ADK: variants seen among roughly 807,000 people sequenced by gnomAD.
ADK encodes the protein adenosine kinase.
A neutral mutation model predicts 44.7 loss-of-function variants in ADK; 24 were observed. That is an observed-to-expected ratio of 0.54 (90% CI 0.39 to 0.76). The LOEUF is 0.76. Among genes scored for constraint, ADK ranks in the 30% least tolerant of loss-of-function variants. ADK has a pLI of 0.00. For missense variants in ADK, 321 were observed against 425.1 expected, an observed-to-expected ratio of 0.76 and a Z score of 2.15; for synonymous variants, 128 against 142.6, an observed-to-expected ratio of 0.90 and a Z score of 0.73.
chr10:74,461,948 A>G (rs1271762600), intron 6 of ADK, among the ~76,000 whole-genome samples: 2 of 152,098 alleles, frequency 1.3e-5, no homozygotes, highest in Non-Finnish European at 2.9e-5. Flanking sequence ...ATCTTGACTC[A>G]GGTTCTATTA....
chr10:74,480,654 A>T (rs1037077641), intron 6 of ADK, among the ~76,000 whole-genome samples: 4 of 152,110 alleles, frequency 2.6e-5, no homozygotes, highest in Non-Finnish European at 5.9e-5. Flanking sequence ...AGGCCTGAAA[A>T]TACTGTTTCA....
chr10:74,391,566 G>A (rs183202437), intron 4 of ADK, among the ~76,000 whole-genome samples: 3 of 151,656 alleles, frequency 2.0e-5, no homozygotes, highest in South Asian at 2.1e-4. Context: ...ATATGGTTGA[G>A]TGAGGTGGCT....
At chr10:74,313,063 C>T (rs1840499319) in intron 3 of ADK, among the ~76,000 whole-genome samples, 1 of 151,832 alleles carries the variant, frequency 6.6e-6, no homozygotes, top group African/African-American at 2.4e-5. Context: ...TGCACTTACA[C>T]TGTTTTGCCT....
intron 1 of ADK, among the ~76,000 whole-genome samples, chr10:74,166,027 C>T (rs1369449254): frequency 6.6e-6 from 1 of 152,162 alleles, no homozygotes; most frequent in Non-Finnish European, 1.5e-5. Flanking sequence ...TACACTTCCA[C>T]TTCCTGGGTT....
intron 4 of ADK, among the ~76,000 whole-genome samples, chr10:74,336,886 G>A (rs1280583034): frequency 6.6e-6 from 1 of 152,154 alleles, no homozygotes; most frequent in Admixed American, 6.5e-5. Flanking sequence ...AAAAAAGTCT[G>A]TACCTGTTCA....
chr10:74,471,752 A>G (rs976268883), intron 6 of ADK, among the ~76,000 whole-genome samples: 1 of 152,008 alleles, frequency 6.6e-6, no homozygotes, highest in African/African-American at 2.4e-5. Flanking sequence ...TATTTTATTC[A>G]TTTTTAATGC....
chr10:74,234,677 T>G (rs945656186), intron 3 of ADK, among the ~76,000 whole-genome samples: 1 of 152,202 alleles, frequency 6.6e-6, no homozygotes, highest in Non-Finnish European at 1.5e-5. Context: ...TGAGCTCATA[T>G]TGATGAATGG....
intron 6 of ADK, among the ~76,000 whole-genome samples, chr10:74,461,306 T>G (rs1480701982): frequency 6.6e-6 from 1 of 152,148 alleles, no homozygotes; most frequent in African/African-American, 2.4e-5. Context: ...GCTTCCATCT[T>G]AAAACTTTCT....
intron 6 of ADK, among the ~76,000 whole-genome samples, chr10:74,480,031 C>G (rs1157389927): frequency 3.3e-5 from 5 of 152,062 alleles, no homozygotes; most frequent in Admixed American, 2.0e-4. Flanking sequence ...ATACATTTCT[C>G]AGGAAAGGCG....
At chr10:74,172,266 G>A (rs554788322) in intron 1 of ADK, among the ~76,000 whole-genome samples, 1 of 151,822 alleles carries the variant, frequency 6.6e-6, no homozygotes, top group South Asian at 2.1e-4. Context: ...AGCCTCCCAG[G>A]TAGCTCGGAC....
intron 6 of ADK, among the ~76,000 whole-genome samples, chr10:74,502,574 A>G (rs1413153594): frequency 2.6e-5 from 4 of 152,170 alleles, no homozygotes; most frequent in Non-Finnish European, 5.9e-5. Flanking sequence ...TTATTAGCAC[A>G]TTCTACCACT....
chr10:74,412,456 T>C (rs1407123470), intron 6 of ADK, among the ~76,000 whole-genome samples: 1 of 152,214 alleles, frequency 6.6e-6, no homozygotes. Flanking sequence ...ATGTTCTTAA[T>C]GACAACTGGA....
chr10:74,360,171 A>G (rs1156456758), intron 4 of ADK, among the ~76,000 whole-genome samples: 1 of 152,028 alleles, frequency 6.6e-6, no homozygotes, highest in Non-Finnish European at 1.5e-5. Flanking sequence ...TTTGGTCTAG[A>G]GTATAGTTTA....
chr10:74,414,272 A>G (rs1012679858), intron 6 of ADK, among the ~76,000 whole-genome samples: 1 of 152,234 alleles, frequency 6.6e-6, no homozygotes, highest in African/African-American at 2.4e-5. Flanking sequence ...TTATACCAAA[A>G]CAGACTTAAT....
chr10:74,547,766 C>T (rs1849889255), intron 7 of ADK, among the ~76,000 whole-genome samples: 1 of 152,204 alleles, frequency 6.6e-6, no homozygotes, highest in Admixed American at 6.5e-5. Flanking sequence ...TGAAGCAATT[C>T]TCCTGCCTCA....
chr10:74,162,262 G>A (rs1226340897), intron 1 of ADK, among the ~76,000 whole-genome samples: 8 of 151,316 alleles, frequency 5.3e-5, no homozygotes, highest in Non-Finnish European at 1.0e-4. Context: ...CTTGTGATCC[G>A]CCCACCTTGG....
At chr10:74,494,683 G>A (rs1488736108) in intron 6 of ADK, among the ~76,000 whole-genome samples, 1 of 151,478 alleles carries the variant, frequency 6.6e-6, no homozygotes, top group South Asian at 2.1e-4. Flanking sequence ...TTGTTTTTGA[G>A]ATATAGTCTC....
chr10:74,191,738 A>G (rs1021835956), intron 1 of ADK, among the ~76,000 whole-genome samples: 1 of 152,208 alleles, frequency 6.6e-6, no homozygotes, highest in Non-Finnish European at 1.5e-5. Context: ...GTGTTATACA[A>G]TAGTATTAAA....
At chr10:74,163,263 G>A (rs1841952797) in intron 1 of ADK, among the ~76,000 whole-genome samples, 1 of 152,218 alleles carries the variant, frequency 6.6e-6, no homozygotes, top group Non-Finnish European at 1.5e-5. Context: ...ACTGTGCCCG[G>A]CCAACAGTAA....
Sources: gnomAD v4.1 joint callset for allele counts (sites outside exome capture counted in the v4.1 genomes callset) on GRCh38, gnomAD v4.1.1 for gene constraint, MANE v1.5 for transcripts, NCBI Gene and HGNC (gene_info 2026-07-23, HGNC 2026-07-21) for gene names.